Variants in PCGF5 observed in about 807,000 individuals in gnomAD.
PCGF5 encodes polycomb group ring finger 5.
In PCGF5, 9 loss-of-function variants were observed where a neutral mutation model predicts 44.3. The observed-to-expected ratio is 0.20, with a 90% CI of 0.12 to 0.35. The LOEUF (loss-of-function observed/expected upper bound fraction) is 0.35, where lower values mean the gene tolerates loss of function less well. Ranked by LOEUF, PCGF5 falls within the 10% of genes least tolerant of loss-of-function variation. PCGF5 has a pLI of 1.00. For synonymous variants in PCGF5, 95 were observed against 102.5 expected, an observed-to-expected ratio of 0.93 and a Z score of 0.44; for missense variants, 146 against 305.3, an observed-to-expected ratio of 0.48 and a Z score of 3.89.
At position 91,282,582 on chromosome 10, in the gene PCGF5, A is replaced by G. The variant is rs535464674; in HGVS notation, c.*4266A>G. ...ACTTTGACAAAATGGGTCACAGAAC[A>G]AGCATGTACATCAAGAGGAAGTTCC... On this transcript the variant is annotated 3_prime_UTR_variant, in exon 10 of 10. Coordinates refer to ENST00000336126, the MANE Select transcript of PCGF5 (RefSeq NM_032373.5). The G allele has an allele frequency of 1.3e-5, 2 of 152,606 alleles. No homozygotes were observed. Among genetic ancestry groups the G allele is most frequent in the African/African-American group, 4.8e-5 (2 of 41,440 alleles). 9.5% of individuals were successfully genotyped at this position (152,606 alleles called of 1,614,324 possible).
intron 3 of PCGF5, among the ~76,000 whole-genome samples, chr10:91,242,347 C>T (rs1053780590): frequency 1.3e-5 from 2 of 151,740 alleles, no homozygotes; most frequent in African/African-American, 2.4e-5. Flanking sequence ...AAATAAAAAA[C>T]TGTTAATATC....
chr10:91,189,510 A>G (rs924234350), intron 1 of PCGF5, among the ~76,000 whole-genome samples: 8 of 152,260 alleles, frequency 5.3e-5, no homozygotes, highest in African/African-American at 2.4e-5. Context: ...GATGAATTCT[A>G]CTTAGTAATA....
intron 3 of PCGF5, among the ~76,000 whole-genome samples, chr10:91,242,978 T>G (rs1845368961): frequency 6.6e-6 from 1 of 152,222 alleles, no homozygotes; most frequent in South Asian, 2.1e-4. Flanking sequence ...CAAAGGAATT[T>G]TTTTAAAGAC....
At chr10:91,163,611 C>T (rs911210673) in intron 1 of PCGF5, among the ~76,000 whole-genome samples, 2 of 152,106 alleles carry the variant, frequency 1.3e-5, no homozygotes, top group African/African-American at 4.8e-5. Flanking sequence ...GCCGCTGGCT[C>T]GGGGCGCGAG....
chr10:91,214,273 G>A (rs1844502842), intron 1 of PCGF5, among the ~76,000 whole-genome samples: 1 of 151,680 alleles, frequency 6.6e-6, no homozygotes, highest in Non-Finnish European at 1.5e-5. Context: ...CTGCATTCTG[G>A]CCTGGGAGAC....
At chr10:91,184,335 A>T (rs956183615) in intron 1 of PCGF5, among the ~76,000 whole-genome samples, 1 of 151,948 alleles carries the variant, frequency 6.6e-6, no homozygotes, top group Admixed American at 6.6e-5. Flanking sequence ...AGATTCCTCT[A>T]CGTGGTCTAT....
chr10:91,263,114 T>TC (rs1382950303), intron 7 of PCGF5, among the ~76,000 whole-genome samples: 3 of 152,028 alleles, frequency 2.0e-5, no homozygotes, highest in Non-Finnish European at 4.4e-5. Flanking sequence ...CTTTTTCAGT[T>TC]CCCCCCTTAT....
chr10:91,208,283 G>A (rs1052594206), intron 1 of PCGF5, among the ~76,000 whole-genome samples: 2 of 152,082 alleles, frequency 1.3e-5, no homozygotes, highest in African/African-American at 4.8e-5. Context: ...TTTAAATTCA[G>A]TGTGTATGAT....
intron 1 of PCGF5, among the ~76,000 whole-genome samples, chr10:91,170,871 A>G (rs1051595453): frequency 3.9e-5 from 6 of 152,264 alleles, no homozygotes; most frequent in Non-Finnish European, 5.9e-5. Context: ...GATGTCATTC[A>G]GGATAAACTG....
chr10:91,204,722 T>C (rs114977622), intron 1 of PCGF5, among the ~76,000 whole-genome samples: 1,587 of 152,312 alleles, frequency 0.01, 31 homozygotes, highest in African/African-American at 0.036. Flanking sequence ...TATTGCCACG[T>C]CCTGCCCTTT....
chr10:91,220,532 C>A (rs967283689), upstream of PCGF5: 1 of 151,454 alleles, frequency 6.6e-6, no homozygotes, highest in Non-Finnish European at 1.5e-5. Context: ...GGCCTCCGGG[C>A]GTGGTGGTGG....
chr10:91,236,556 C>A (rs1845168301), intron 2 of PCGF5, among the ~76,000 whole-genome samples: 1 of 152,164 alleles, frequency 6.6e-6, no homozygotes. Context: ...TTTTTAACAT[C>A]ATTCTTGGAC....
chr10:91,156,251 T>C, the PCGF5 span, among the ~76,000 whole-genome samples: 2 of 152,042 alleles, frequency 1.3e-5, no homozygotes, highest in African/African-American at 4.8e-5. Flanking sequence ...AATATAATAA[T>C]TCATGGGTAC....
rs372905464 is a variant in PCGF5 at position 91,189,391 on chromosome 10, A to G, written c.-184+26310A>G. Among the ~76,000 whole-genome samples, 9 of 152,322 alleles carry G rather than the reference A, an allele frequency of 5.9e-5. No homozygotes were observed. The East Asian group carries it at 9.6e-4, about 16-fold the overall frequency. On this transcript the variant is annotated intron_variant, in intron 1 of 9. Transcript: ENST00000614189. ...TGATGTTTTGAAATCCCAGTTTACA[A>G]CATGGTGCCTGGTACATAGTAGACA...
At chr10:91,273,821 G>A (rs1846240063) in intron 9 of PCGF5, among the ~76,000 whole-genome samples, 1 of 149,706 alleles carries the variant, frequency 6.7e-6, no homozygotes, top group Admixed American at 6.7e-5. Context: ...GTATAATATA[G>A]TGTATATTAT....
At chr10:91,231,655 TC>T (rs1262926897) in intron 2 of PCGF5, among the ~76,000 whole-genome samples, 3 of 152,212 alleles carry the variant, frequency 2.0e-5, no homozygotes, top group Non-Finnish European at 2.9e-5. Flanking sequence ...TGTAGAGCCA[TC>T]TTAAGGATTT....
At chr10:91,160,769 A>T (rs1224987308), upstream of PCGF5, among the ~76,000 whole-genome samples, 2 of 152,230 alleles carry the variant, frequency 1.3e-5, no homozygotes, top group Non-Finnish European at 2.9e-5. Flanking sequence ...CGGTAATGGA[A>T]GCAGAAGGGC....
At chr10:91,261,295 C>A in intron 6 of PCGF5, 31 bp from the exon 7 acceptor site, 1 of 1,445,442 alleles carries the variant, frequency 6.9e-7, no homozygotes, top group Admixed American at 2.3e-5. Context: ...ACTGGTAGAA[C>A]ATTTTAACTG....
chr10:91,167,303 T>C (rs1266618756), intron 1 of PCGF5, among the ~76,000 whole-genome samples: 1 of 152,230 alleles, frequency 6.6e-6, no homozygotes, highest in African/African-American at 2.4e-5. Flanking sequence ...ATAGATACTC[T>C]TTCTTTAAGA....
Sources: gnomAD v4.1 joint callset for allele counts (sites outside exome capture counted in the v4.1 genomes callset) on GRCh38, gnomAD v4.1.1 for gene constraint, MANE v1.5 for transcripts, NCBI Gene and HGNC (gene_info 2026-07-23, HGNC 2026-07-21) for gene names.